Variants in DPH6 observed in about 807,000 individuals in gnomAD.
DPH6 encodes the protein diphthine--ammonia ligase.
A neutral mutation model predicts 38.2 loss-of-function variants in DPH6; 33 were observed. That is an observed-to-expected ratio of 0.86 (90% CI 0.65 to 1.15). The LOEUF (loss-of-function observed/expected upper bound fraction) is 1.15. Ranked by LOEUF, DPH6 falls within the 50% of genes most tolerant of loss-of-function variation. DPH6 has a pLI of 0.00. For synonymous variants in DPH6, 108 were observed against 103.0 expected (o/e 1.05, Z -0.30); for missense variants, 325 against 320.0 (o/e 1.02, Z -0.12).
At chr15:35,163,622 G>C in the DPH6 span, among the ~76,000 whole-genome samples, 1 of 151,956 alleles carries the variant, frequency 6.6e-6, no homozygotes, top group Non-Finnish European at 1.5e-5. Flanking sequence ...GCACTGACTG[G>C]ATATAATTGG....
At chr15:35,545,239 G>GTC (rs1416124598) in intron 1 of DPH6, among the ~76,000 whole-genome samples, 4 of 152,210 alleles carry the variant, frequency 2.6e-5, no homozygotes, top group Non-Finnish European at 5.9e-5. Flanking sequence ...TATTTAAGTA[G>GTC]TCTAACTTTT....
intron 3 of DPH6, among the ~76,000 whole-genome samples, chr15:35,342,591 T>C (rs1334204056): frequency 1.3e-5 from 2 of 152,238 alleles, no homozygotes; most frequent in Non-Finnish European, 2.9e-5. Context: ...TGCCATGGAC[T>C]GCAGCTGCTT....
chr15:35,242,035 T>G (rs1363282147), intron 3 of DPH6, among the ~76,000 whole-genome samples: 3 of 144,418 alleles, frequency 2.1e-5, no homozygotes, highest in Admixed American at 7.4e-5. Flanking sequence ...ACGTGCTTTC[T>G]TTACTATTCC....
chr15:35,512,314 A>G (rs2054785522), intron 3 of DPH6, among the ~76,000 whole-genome samples: 1 of 152,164 alleles, frequency 6.6e-6, no homozygotes, highest in African/African-American at 2.4e-5. Context: ...AATAGCCAGG[A>G]GCAGAAGAGT....
At chr15:35,345,477 T>C (rs2052454316) in intron 3 of DPH6, among the ~76,000 whole-genome samples, 1 of 151,930 alleles carries the variant, frequency 6.6e-6, no homozygotes, top group African/African-American at 2.4e-5. Context: ...TAATGTTTGT[T>C]GTTATCTATT....
intron 3 of DPH6, chr15:35,299,450 G>A (rs938391417): frequency 3.9e-6 from 3 of 777,328 alleles, no homozygotes; most frequent in Non-Finnish European, 7.2e-6. Flanking sequence ...TCTTTTCTTC[G>A]GTTTAATGCC....
Position 35,434,939 on chromosome 15 carries a change from A to AT in DPH6, c.505+15745dup, listed in dbSNP as rs147169875. Among the ~76,000 whole-genome samples the AT allele has an allele frequency of 9.9e-3, 1,376 of 139,668 alleles. 18 individuals carry two copies. Among genetic ancestry groups the AT allele is most frequent in the African/African-American group, 0.028 (1,067 of 38,120 alleles). The allele number at this position is 139,668 out of a possible 152,430, so 91.6% of individuals were successfully genotyped here. ...CAGGTATATGCCACCATGCCCAGCT[A>AT]TTTTTTTTTTTTTTTGTACAGACAG... On this transcript the variant is annotated intron_variant, in intron 5 of 8. Transcript: ENST00000256538.
intron 3 of DPH6, among the ~76,000 whole-genome samples, chr15:35,506,803 TTTTA>T (rs2054700578): frequency 6.6e-6 from 1 of 152,244 alleles, no homozygotes; most frequent in Non-Finnish European, 1.5e-5. Context: ...TTTTAACGAA[TTTTA>T]TTTTGGATAA....
chr15:35,450,537 C>G, intron 5 of DPH6, 148 bp downstream of exon 5: 2 of 652,198 alleles, frequency 3.1e-6, no homozygotes, highest in East Asian at 3.0e-5. Context: ...TTTCTTTATG[C>G]AAGGAAGGTG....
chr15:35,352,963 G>A (rs375736370), intron 3 of DPH6, among the ~76,000 whole-genome samples: 21 of 152,136 alleles, frequency 1.4e-4, no homozygotes, highest in East Asian at 1.3e-3. Flanking sequence ...ACTTTTCAAT[G>A]ATCGCCATTC....
intron 3 of DPH6, among the ~76,000 whole-genome samples, chr15:35,508,286 T>C (rs866766001): frequency 3.3e-5 from 5 of 152,254 alleles, no homozygotes; most frequent in Non-Finnish European, 4.4e-5. Flanking sequence ...ATTAATGTAA[T>C]CCCTTTTTAT....
intron 6 of DPH6, among the ~76,000 whole-genome samples, chr15:35,385,334 C>CA (rs1287222938): frequency 6.6e-6 from 1 of 152,130 alleles, no homozygotes; most frequent in East Asian, 1.9e-4. Flanking sequence ...TTTACTGCAG[C>CA]ACGGTCACAA....
the DPH6 span, among the ~76,000 whole-genome samples, chr15:35,160,482 GGTTT>G: frequency 5.9e-5 from 9 of 151,854 alleles, no homozygotes; most frequent in Non-Finnish European, 1.2e-4. Flanking sequence ...TACATTTGTG[GGTTT>G]GTTACATGGG....
chr15:35,303,534 T>C lies in DPH6; in HGVS notation n.200+69987A>G, dbSNP rs540254548. Among the ~76,000 whole-genome samples the C allele has an allele frequency of 5.9e-5, 9 of 151,984 alleles. No individual in the cohort carries two copies. In the East Asian group the frequency reaches 1.7e-3, roughly 29 times the overall value. The stretch of plus-strand genomic sequence containing the variant: ...TATATATATGAGGTAATAGAACAGA[T>C]TCTTGAAGCTAGATCTCCTGATTCC... On this transcript the variant is annotated intron_variant and non_coding_transcript_variant, in intron 3 of 3. Transcript: ENST00000560386.
At chr15:35,386,524 A>C (rs1405020846) in intron 6 of DPH6, among the ~76,000 whole-genome samples, 1 of 152,178 alleles carries the variant, frequency 6.6e-6, no homozygotes, top group Non-Finnish European at 1.5e-5. Context: ...CTGACTTTTT[A>C]ATGATCGCCA....
In DPH6 at chr15:35,372,075, T is replaced by C. The variant is rs769257398; in HGVS notation, c.*75A>G. The C allele has an allele frequency of 2.7e-6, 4 of 1,472,160 alleles. No homozygotes were observed. The highest frequency in any genetic ancestry group is 2.9e-5 in the Admixed American group (1 of 35,010). 91.2% of individuals were successfully genotyped at this position (1,472,160 alleles called of 1,614,324 possible). ...TCATGAGAAAAAAATAAACTAGTCA[T>C]AGTAACTGAGAAAATACTATGCAAT... On this transcript the variant is annotated 3_prime_UTR_variant, in exon 9 of 9. Transcript: ENST00000256538.
At chr15:35,315,021 G>C (rs986685918) in intron 3 of DPH6, among the ~76,000 whole-genome samples, 1 of 152,128 alleles carries the variant, frequency 6.6e-6, no homozygotes, top group Non-Finnish European at 1.5e-5. Flanking sequence ...CTGGCGAAAT[G>C]ATTACATCTG....
At chr15:35,511,074 G>A (rs998574954) in intron 3 of DPH6, among the ~76,000 whole-genome samples, 2 of 152,100 alleles carry the variant, frequency 1.3e-5, no homozygotes, top group African/African-American at 4.8e-5. Context: ...CATCACCTGT[G>A]TACTTGTTAG....
At chr15:35,299,702 G>A (rs1432198016) in intron 3 of DPH6, among the ~76,000 whole-genome samples, 18 of 152,156 alleles carry the variant, frequency 1.2e-4, no homozygotes, top group Admixed American at 1.2e-3. Context: ...TACACCTTAG[G>A]GAAAGACTTC....
Sources: gnomAD v4.1 joint callset for allele counts (sites outside exome capture counted in the v4.1 genomes callset) on GRCh38, gnomAD v4.1.1 for gene constraint, MANE v1.5 for transcripts, NCBI Gene and HGNC (gene_info 2026-07-23, HGNC 2026-07-21) for gene names.